The following GRIA2 variants were observed in gnomAD, a reference collection of about 807,000 sequenced individuals.
The protein encoded by GRIA2 is glutamate ionotropic receptor AMPA type subunit 2, also known as glutamate receptor 2.
A neutral mutation model predicts 97.3 loss-of-function variants in GRIA2; 14 were observed. The observed-to-expected ratio is 0.14, with a 90% CI of 0.10 to 0.23. GRIA2 has a LOEUF of 0.23. Among genes scored for constraint, GRIA2 ranks in the 10% least tolerant of loss-of-function variants. The pLI is 1.00. For missense variants in GRIA2, 558 were observed against 1,069.8 expected, an observed-to-expected ratio of 0.52 and a Z score of 6.67; for synonymous variants, 412 against 387.8, an observed-to-expected ratio of 1.06 and a Z score of -0.73.
intron 12 of GRIA2, among the ~76,000 whole-genome samples, 165 bp from the exon 13 acceptor site, chr4:157,359,728 TAAC>T (rs1222525061): frequency 6.6e-6 from 1 of 152,152 alleles, no homozygotes; most frequent in African/African-American, 2.4e-5. Flanking sequence ...TTTGGCATAA[TAAC>T]AATTTCATAG....
intron 2 of GRIA2, among the ~76,000 whole-genome samples, chr4:157,236,861 T>C (rs2126706765): frequency 6.6e-6 from 1 of 152,206 alleles, no homozygotes; most frequent in East Asian, 1.9e-4. Flanking sequence ...AGTCTACTTA[T>C]TATTATTTGA....
intron 2 of GRIA2, among the ~76,000 whole-genome samples, chr4:157,260,358 C>T (rs1312501831): frequency 6.6e-6 from 1 of 152,092 alleles, no homozygotes; most frequent in East Asian, 1.9e-4. Context: ...TTCTGTGTCA[C>T]ATAGCAACCT....
intron 2 of GRIA2, among the ~76,000 whole-genome samples, chr4:157,222,988 C>A (rs903887661): frequency 7.2e-5 from 11 of 152,304 alleles, no homozygotes; most frequent in African/African-American, 2.4e-4. Context: ...CCCTAATATT[C>A]GCAGTCGTTA....
intron 2 of GRIA2, among the ~76,000 whole-genome samples, chr4:157,287,034 A>C (rs1404674881): frequency 2.6e-5 from 4 of 151,456 alleles, no homozygotes; most frequent in Admixed American, 6.6e-5. Flanking sequence ...ACTGTCTCCT[A>C]TTCTCTATTC....
At chr4:157,272,748 G>A (rs144988663) in intron 2 of GRIA2, among the ~76,000 whole-genome samples, 45 of 152,126 alleles carry the variant, frequency 3.0e-4, no homozygotes, top group African/African-American at 1.1e-3. Flanking sequence ...ATCTTTTGGG[G>A]GTTTCTCAGA....
At chr4:157,362,190 C>A (rs537895434) in intron 14 of GRIA2, among the ~76,000 whole-genome samples, 1 of 152,198 alleles carries the variant, frequency 6.6e-6, no homozygotes, top group East Asian at 1.9e-4. Flanking sequence ...TGGTACACTG[C>A]AATTCTAAAC....
At chr4:157,298,118 T>C (rs1441368289) in intron 2 of GRIA2, among the ~76,000 whole-genome samples, 4 of 151,930 alleles carry the variant, frequency 2.6e-5, no homozygotes, top group East Asian at 1.9e-4. Context: ...GGAAGACTAA[T>C]ATGACAAGAG....
chr4:157,278,729 G>A (rs1732460633), intron 2 of GRIA2, among the ~76,000 whole-genome samples: 1 of 151,778 alleles, frequency 6.6e-6, no homozygotes, highest in South Asian at 2.1e-4. Flanking sequence ...TCTAATAAAG[G>A]CTTTTATCTA....
chr4:157,325,062 C>A, intron 6 of GRIA2, among the ~76,000 whole-genome samples: 1 of 151,994 alleles, frequency 6.6e-6, no homozygotes, highest in East Asian at 1.9e-4. Flanking sequence ...AAATACAGTT[C>A]AATACACCAA....
At chr4:157,335,450 T>G in intron 9 of GRIA2, 1 of 541,682 alleles carries the variant, frequency 1.8e-6, no homozygotes, top group Non-Finnish European at 3.3e-6. Context: ...TCAGTATGCT[T>G]GCATACAAGC....
intron 13 of GRIA2, among the ~76,000 whole-genome samples, chr4:157,360,483 G>A (rs891018768): frequency 1.3e-5 from 2 of 151,772 alleles, no homozygotes; most frequent in African/African-American, 4.8e-5. Context: ...CAGTCTACCA[G>A]CCTGCTTACA....
chr4:157,229,532 T>TTC (rs1579288119), intron 2 of GRIA2, among the ~76,000 whole-genome samples: 1 of 152,198 alleles, frequency 6.6e-6, no homozygotes, highest in Non-Finnish European at 1.5e-5. Context: ...AGTAGCTATC[T>TTC]TCTTAGATTG....
At chr4:157,307,813 A>T (rs1579350618) in intron 3 of GRIA2, among the ~76,000 whole-genome samples, 3 of 152,304 alleles carry the variant, frequency 2.0e-5, no homozygotes, top group South Asian at 4.1e-4. Flanking sequence ...TGTCCTCTGA[A>T]GGGAAGGCAC....
chr4:157,227,632 A>G (rs931917538), intron 2 of GRIA2, among the ~76,000 whole-genome samples: 5 of 152,174 alleles, frequency 3.3e-5, no homozygotes, highest in Non-Finnish European at 7.4e-5. Context: ...ATTTGATGTA[A>G]ATATTTGATT....
intron 3 of GRIA2, among the ~76,000 whole-genome samples, chr4:157,312,390 A>G (rs1734120596): frequency 6.6e-6 from 1 of 152,112 alleles, no homozygotes; most frequent in African/African-American, 2.4e-5. Flanking sequence ...CACTTTAGTA[A>G]TACTCTAAAG....
At chr4:157,231,493 C>G (rs1166146362) in intron 2 of GRIA2, among the ~76,000 whole-genome samples, 1 of 152,120 alleles carries the variant, frequency 6.6e-6, no homozygotes, top group Non-Finnish European at 1.5e-5. Context: ...ATGCATTTCT[C>G]TGAGGAAAAA....
intron 2 of GRIA2, among the ~76,000 whole-genome samples, chr4:157,288,576 C>T (rs1162066263): frequency 1.3e-5 from 2 of 151,746 alleles, no homozygotes; most frequent in African/African-American, 4.8e-5. Context: ...TTTACCACAA[C>T]ACATATTTCC....
rs1054341013 is a variant in GRIA2 at position 157,317,728 on chromosome 4, G to A, written c.720+17G>A. 3 of 1,058,836 alleles carry A rather than the reference G, an allele frequency of 2.8e-6. No homozygotes were observed. Among genetic ancestry groups the A allele is most frequent in the Non-Finnish European group, 2.9e-6 (2 of 686,590 alleles). The allele number at this position is 1,058,836 out of a possible 1,614,324, so 65.6% of individuals were successfully genotyped here. On this transcript the variant is annotated intron_variant, in intron 5 of 15. Coordinates refer to ENST00000264426, the MANE Select transcript of GRIA2 (RefSeq NM_001083619.3). The stretch of plus-strand genomic sequence containing the variant: ...GCAAATCTGGTAGGTGAATTAATTG[G>A]TATATATTATTTTACTAGATATGCT...
chr4:157,256,237 TA>T (rs576160888), intron 2 of GRIA2, among the ~76,000 whole-genome samples: 11,625 of 92,172 alleles, frequency 0.13, 1,395 homozygotes, highest in African/African-American at 0.24. Flanking sequence ...ATATATAATA[TA>T]TATATATAAT....
Sources: allele counts gnomAD v4.1 joint callset (sites outside exome capture counted in the v4.1 genomes callset), GRCh38; gene constraint gnomAD v4.1.1; transcripts MANE v1.5; gene names NCBI Gene and HGNC (gene_info 2026-07-23, HGNC 2026-07-21).